The following BTRC variants were observed in gnomAD, a reference collection of about 807,000 sequenced individuals.
The protein encoded by BTRC is F-box/WD repeat-containing protein 1A.
Under a neutral mutation model 85.5 loss-of-function variants are expected in BTRC, and 42 were observed. The observed-to-expected ratio is 0.49, with a 90% confidence interval of 0.38 to 0.64. The LOEUF is 0.64. BTRC is among the 30% of genes least tolerant of loss of function. The pLI, the probability that BTRC is intolerant of heterozygous loss-of-function variation, is 0.00. For missense variants in BTRC, 594 were observed against 743.5 expected, an observed-to-expected ratio of 0.80 and a Z score of 2.34; for synonymous variants, 255 against 263.3, an observed-to-expected ratio of 0.97 and a Z score of 0.30.
intron 1 of BTRC, among the ~76,000 whole-genome samples, chr10:101,396,957 C>G (rs1943380096): frequency 6.6e-6 from 1 of 152,040 alleles, no homozygotes. Context: ...CATCTGCCAC[C>G]TCGCCTGGCT....
At chr10:101,387,528 C>CTTGTTTTTTTTTTTTTTTTTTTTTTTTT (rs1943110687) in intron 1 of BTRC, among the ~76,000 whole-genome samples, 1 of 45,122 alleles carries the variant, frequency 2.2e-5, no homozygotes, top group African/African-American at 1.5e-4. Flanking sequence ...CTTCATGGGA[C>CTTGTTTTTTTTTTTTTTTTTTTTTTTTT]TTTTTTTTTT....
chr10:101,401,964 CTG>C (rs1943504455), intron 1 of BTRC, among the ~76,000 whole-genome samples: 2 of 152,028 alleles, frequency 1.3e-5, no homozygotes, highest in Admixed American at 6.6e-5. Flanking sequence ...GTCTTATGCT[CTG>C]GAGTTCTTAC....
intron 1 of BTRC, among the ~76,000 whole-genome samples, chr10:101,369,259 C>T (rs933675300): frequency 2.6e-5 from 4 of 151,032 alleles, no homozygotes; most frequent in African/African-American, 9.8e-5. Flanking sequence ...GCCCTCTTGT[C>T]CAGGCTCTCG....
At chr10:101,528,517 C>T (rs964999978) in intron 6 of BTRC, among the ~76,000 whole-genome samples, 12 of 152,184 alleles carry the variant, frequency 7.9e-5, no homozygotes, top group Non-Finnish European at 1.6e-4. Flanking sequence ...GAGTATCCTT[C>T]AGAGTTCTGA....
chr10:101,538,769 C>T (rs555012348), intron 13 of BTRC, among the ~76,000 whole-genome samples: 64 of 152,234 alleles, frequency 4.2e-4, no homozygotes, highest in Non-Finnish European at 2.6e-4. Flanking sequence ...CCCTGGGGGC[C>T]GGGTGCGGTG....
intron 1 of BTRC, among the ~76,000 whole-genome samples, chr10:101,356,754 C>G (rs1942045468): frequency 2.6e-5 from 4 of 152,148 alleles, no homozygotes. Context: ...CAGTAACAGT[C>G]TTATGAATCT....
At chr10:101,545,493 T>C (rs12772174) in intron 13 of BTRC, among the ~76,000 whole-genome samples, 40,389 of 152,056 alleles carry the variant, frequency 0.27, 6,350 homozygotes, top group South Asian at 0.4. Flanking sequence ...TTTGGAGTTA[T>C]AGGAGCTTTC....
intron 1 of BTRC, among the ~76,000 whole-genome samples, chr10:101,421,841 T>A (rs1345955954): frequency 2.0e-5 from 3 of 152,118 alleles, no homozygotes; most frequent in African/African-American, 2.4e-5. Context: ...ATGGTGTATA[T>A]GTGCCACATT....
At chr10:101,379,526 AAT>A (rs1422192408) in intron 1 of BTRC, among the ~76,000 whole-genome samples, 1 of 152,182 alleles carries the variant, frequency 6.6e-6, no homozygotes, top group Non-Finnish European at 1.5e-5. Flanking sequence ...CTTTGATTTA[AAT>A]ATGTTATAAA....
At chr10:101,460,532 G>A (rs974238645) in intron 2 of BTRC, among the ~76,000 whole-genome samples, 34 of 152,118 alleles carry the variant, frequency 2.2e-4, no homozygotes, top group Admixed American at 1.2e-3. Context: ...CATCACAAAT[G>A]TAAAATATCA....
At chr10:101,463,634 C>T (rs1430824547) in intron 3 of BTRC, among the ~76,000 whole-genome samples, 1 of 151,108 alleles carries the variant, frequency 6.6e-6, no homozygotes, top group Non-Finnish European at 1.5e-5. Context: ...TTGATTTAAC[C>T]CTCACAATAA....
chr10:101,424,308 C>G (rs1226508542), intron 1 of BTRC, among the ~76,000 whole-genome samples: 1 of 152,094 alleles, frequency 6.6e-6, no homozygotes, highest in Non-Finnish European at 1.5e-5. Flanking sequence ...TATGATTATC[C>G]TATCTGACAG....
At chr10:101,410,851 T>C (rs1399217222) in intron 1 of BTRC, among the ~76,000 whole-genome samples, 1 of 152,182 alleles carries the variant, frequency 6.6e-6, no homozygotes, top group Non-Finnish European at 1.5e-5. Flanking sequence ...TCTACATTCC[T>C]ATCCTTTGTG....
intron 1 of BTRC, among the ~76,000 whole-genome samples, chr10:101,416,167 G>GTTGCA (rs1943941446): frequency 6.6e-6 from 1 of 152,106 alleles, no homozygotes; most frequent in Non-Finnish European, 1.5e-5. Context: ...GTTCATCCAT[G>GTTGCA]TTGCAGCATG....
At chr10:101,363,532 C>T (rs1432788115) in intron 1 of BTRC, among the ~76,000 whole-genome samples, 1 of 152,096 alleles carries the variant, frequency 6.6e-6, no homozygotes, top group Non-Finnish European at 1.5e-5. Context: ...AATCTCAGCT[C>T]ACTGCCACCT....
At chr10:101,447,696 T>C (rs1388296333) in intron 2 of BTRC, among the ~76,000 whole-genome samples, 3 of 152,138 alleles carry the variant, frequency 2.0e-5, no homozygotes, top group Non-Finnish European at 4.4e-5. Flanking sequence ...ATAGTAATTA[T>C]AGTAACAGAT....
chr10:101,419,160 AC>A (rs1208663175), intron 1 of BTRC, among the ~76,000 whole-genome samples: 1 of 151,904 alleles, frequency 6.6e-6, no homozygotes, highest in Non-Finnish European at 1.5e-5. Context: ...ATAGGCACAC[AC>A]CACCATGCCT....
chr10:101,395,152 C>T (rs371331889), intron 1 of BTRC, among the ~76,000 whole-genome samples: 43 of 152,236 alleles, frequency 2.8e-4, no homozygotes, highest in East Asian at 1.4e-3. Context: ...GTTGAGGCCT[C>T]ACACAGAGGG....
chr10:101,406,498 C>CATG (rs1943625859), intron 1 of BTRC, among the ~76,000 whole-genome samples: 1 of 119,138 alleles, frequency 8.4e-6, no homozygotes, highest in Non-Finnish European at 1.7e-5. Flanking sequence ...GGTAAACTTT[C>CATG]ATGTTAACAT....
Sources: gnomAD v4.1 joint callset for allele counts (sites outside exome capture counted in the v4.1 genomes callset) on GRCh38, gnomAD v4.1.1 for gene constraint, MANE v1.5 for transcripts, NCBI Gene and HGNC (gene_info 2026-07-23, HGNC 2026-07-21) for gene names.